Variants in LRRC49 observed in about 807,000 individuals in gnomAD.
LRRC49 encodes leucine-rich repeat-containing protein 49.
Under a neutral mutation model 83.3 loss-of-function variants are expected in LRRC49, and 50 were observed. That is an observed-to-expected ratio of 0.60 (90% CI 0.48 to 0.76). The LOEUF (loss-of-function observed/expected upper bound fraction) is 0.76. Among genes scored for constraint, LRRC49 ranks in the 30% least tolerant of loss-of-function variants. The pLI is 0.00. For synonymous variants in LRRC49, 286 were observed against 283.3 expected, an observed-to-expected ratio of 1.01 and a Z score of -0.10; for missense variants, 704 against 809.1, an observed-to-expected ratio of 0.87 and a Z score of 1.58.
chr15:70,905,512 C>A (rs1475097717), intron 5 of LRRC49, among the ~76,000 whole-genome samples: 1 of 152,154 alleles, frequency 6.6e-6, no homozygotes, highest in Non-Finnish European at 1.5e-5. Context: ...CCTTACCCAT[C>A]TCAAGGTTCA....
intron 11 of LRRC49, among the ~76,000 whole-genome samples, chr15:70,991,824 T>C (rs1361367963): frequency 6.6e-6 from 1 of 152,248 alleles, no homozygotes; most frequent in Admixed American, 6.5e-5. Flanking sequence ...GGTTTTTAGC[T>C]GGAATTCTTT....
At chr15:71,007,823 T>A (rs1334068400) in intron 11 of LRRC49, among the ~76,000 whole-genome samples, 1 of 150,638 alleles carries the variant, frequency 6.6e-6, no homozygotes, top group African/African-American at 2.4e-5. Flanking sequence ...CTGATTTTAC[T>A]GATTATAACT....
chr15:70,898,847 A>G (rs972006512), intron 3 of LRRC49, among the ~76,000 whole-genome samples: 2 of 152,006 alleles, frequency 1.3e-5, no homozygotes, highest in Non-Finnish European at 2.9e-5. Context: ...ATTTTGCCAC[A>G]TAGTAATGTA....
rs1374525306 is a variant in LRRC49, at chr15:70,925,570, C to G, written c.711+6377C>G. Among the ~76,000 whole-genome samples, 3 of 152,188 alleles carry G rather than the reference C, an allele frequency of 2.0e-5. No homozygotes were observed. In the East Asian group the frequency reaches 5.8e-4, roughly 29 times the overall value. Reference sequence around the variant, plus strand: ...ATAGATGAAAGAAATTTCAAAATAACAAGAAGCTGTGTGAACAATTCATAT... The same window carrying G: ...ATAGATGAAAGAAATTTCAAAATAAGAAGAAGCTGTGTGAACAATTCATAT... On this transcript the variant is annotated intron_variant, in intron 7 of 15. Transcript: ENST00000260382.
chr15:70,953,150 G>A lies in LRRC49; in HGVS notation c.774-10635G>A, dbSNP rs569668673. Among the ~76,000 whole-genome samples, 11 of 152,300 alleles carry A rather than the reference G, an allele frequency of 7.2e-5. No homozygotes were observed. The South Asian group carries it at 2.3e-3, about 32-fold the overall frequency. ...TTAAATTCAGGGTCGGTATTGGACT[G>A]TGAGGATTTGATCCTGTCATCATGC... On this transcript the variant is annotated intron_variant, in intron 8 of 15. Coordinates refer to ENST00000260382, the MANE Select transcript of LRRC49 (RefSeq NM_017691.5).
intron 11 of LRRC49, among the ~76,000 whole-genome samples, chr15:70,996,713 T>C (rs1018083380): frequency 1.3e-5 from 2 of 152,184 alleles, no homozygotes; most frequent in Admixed American, 1.3e-4. Flanking sequence ...TTTTTTTGTT[T>C]CATCCACTAT....
At chr15:70,906,930 A>G (rs965739635) in intron 5 of LRRC49, among the ~76,000 whole-genome samples, 2 of 152,336 alleles carry the variant, frequency 1.3e-5, no homozygotes, top group East Asian at 3.9e-4. Context: ...GTGTTCTTGA[A>G]TCAAAAAGAA....
intron 5 of LRRC49, among the ~76,000 whole-genome samples, chr15:70,909,879 A>ACACAC (rs765588937): frequency 5.6e-4 from 43 of 76,938 alleles, no homozygotes; most frequent in Non-Finnish European, 9.1e-4. Flanking sequence ...CACACACACA[A>ACACAC]AACAAACAAA....
chr15:70,984,401 G>A, intron 11 of LRRC49, 144 bp downstream of exon 11: 1 of 676,716 alleles, frequency 1.5e-6, no homozygotes, highest in South Asian at 2.6e-5. Flanking sequence ...TGGAAAAGTT[G>A]AAAATATAAA....
chr15:70,853,795 C>G, intron 1 of LRRC49: 1 of 959,464 alleles, frequency 1.0e-6, no homozygotes, highest in African/African-American at 1.7e-5. Flanking sequence ...ACCCCCTCTG[C>G]CCGAGGAGTT....
At chr15:70,990,909 A>G (rs192630396) in intron 11 of LRRC49, among the ~76,000 whole-genome samples, 3 of 152,116 alleles carry the variant, frequency 2.0e-5, no homozygotes, top group African/African-American at 4.8e-5. Context: ...TAAACTTCAC[A>G]TGTTCCAAAA....
At chr15:70,990,943 G>A (rs905761715) in intron 11 of LRRC49, among the ~76,000 whole-genome samples, 5 of 152,316 alleles carry the variant, frequency 3.3e-5, no homozygotes, top group African/African-American at 1.2e-4. Flanking sequence ...CTCCAAGTTG[G>A]TAGGTAGTTG....
chr15:70,924,179 T>C (rs1388071108), intron 7 of LRRC49, among the ~76,000 whole-genome samples: 1 of 151,928 alleles, frequency 6.6e-6, no homozygotes, highest in African/African-American at 2.4e-5. Flanking sequence ...GCTGAGTTTT[T>C]TTCAGTGTAT....
intron 11 of LRRC49, among the ~76,000 whole-genome samples, chr15:70,994,608 T>C (rs2038015274): frequency 6.6e-6 from 1 of 152,058 alleles, no homozygotes; most frequent in Admixed American, 6.6e-5. Context: ...CCAAATAGCT[T>C]GGACAATAGG....
intron 15 of LRRC49, among the ~76,000 whole-genome samples, chr15:71,038,760 A>G (rs1051297565): frequency 9.9e-5 from 15 of 152,204 alleles, no homozygotes; most frequent in African/African-American, 3.4e-4. Context: ...ACCACCTTAC[A>G]TAGTAAAAAG....
At chr15:70,858,913 C>T (rs1451631849) in intron 1 of LRRC49, 12 of 775,310 alleles carry the variant, frequency 1.5e-5, no homozygotes, top group African/African-American at 5.1e-5. Context: ...ACCGCTGTCA[C>T]GGTCAACCAG....
intron 2 of LRRC49, among the ~76,000 whole-genome samples, chr15:70,880,415 G>C (rs2033239175): frequency 6.6e-6 from 1 of 152,084 alleles, no homozygotes; most frequent in African/African-American, 2.4e-5. Context: ...ACACTTGTCT[G>C]GCACAGAGTA....
intron 8 of LRRC49, among the ~76,000 whole-genome samples, chr15:70,955,210 C>T (rs2036357540): frequency 6.6e-6 from 1 of 152,078 alleles, no homozygotes; most frequent in Non-Finnish European, 1.5e-5. Flanking sequence ...CATATTTTTA[C>T]TGTTATTTTA....
chr15:70,867,606 C>G (rs1330825125), intron 1 of LRRC49, among the ~76,000 whole-genome samples: 1 of 152,164 alleles, frequency 6.6e-6, no homozygotes, highest in Non-Finnish European at 1.5e-5. Context: ...AAAGATTTAT[C>G]CTCACACTGT....
Sources: gnomAD v4.1 joint callset for allele counts (sites outside exome capture counted in the v4.1 genomes callset) on GRCh38, gnomAD v4.1.1 for gene constraint, MANE v1.5 for transcripts, NCBI Gene and HGNC (gene_info 2026-07-23, HGNC 2026-07-21) for gene names.